Variants in TNKS observed in about 807,000 individuals in gnomAD.
TNKS encodes poly [ADP-ribose] polymerase tankyrase-1.
In TNKS, 72 loss-of-function variants were observed where a neutral mutation model predicts 135.8. The ratio of observed to expected loss-of-function variants is 0.53; its 90% CI spans 0.44 to 0.64. The LOEUF (loss-of-function observed/expected upper bound fraction) is 0.64. Ranked by LOEUF, TNKS falls within the 30% of genes least tolerant of loss-of-function variation. TNKS has a pLI of 0.00. For missense variants in TNKS, 1,769 were observed against 1,674.0 expected (o/e 1.06, Z -0.99); for synonymous variants, 849 against 649.3 (o/e 1.31, Z -4.68).
intron 25 of TNKS, among the ~76,000 whole-genome samples, chr8:9,769,688 C>T (rs1807697726): frequency 7.1e-6 from 1 of 140,864 alleles, no homozygotes; most frequent in African/African-American, 2.7e-5. Context: ...GGCGCGATCT[C>T]GGCTCACTGC....
intron 3 of TNKS, among the ~76,000 whole-genome samples, chr8:9,653,085 G>T (rs1801204367): frequency 6.6e-6 from 1 of 152,170 alleles, no homozygotes; most frequent in South Asian, 2.1e-4. Context: ...CCATGTTTAG[G>T]ATGAAAGTCA....
At chr8:9,588,316 C>A (rs1224603450) in intron 2 of TNKS, among the ~76,000 whole-genome samples, 2 of 151,984 alleles carry the variant, frequency 1.3e-5, no homozygotes, top group Non-Finnish European at 2.9e-5. Flanking sequence ...GCTCTGTCGC[C>A]CAGGCTGGAG....
Position 9,556,569 on chromosome 8 carries a change from G to T in TNKS, c.630G>T (p.Lys210Asn). 6.2e-7 allele frequency: 1 copy of T among 1,614,022 alleles called. No homozygotes were observed. The highest frequency in any genetic ancestry group is 8.5e-7 in the Non-Finnish European group (1 of 1,180,050). ...TGGACGCGGCAAACGTAAATGCAAA[G>T]GACATGGCCGGCCGGAAGTCTTCTC... Reference protein sequence around the residue: ...RLVDAANVNAKDMAGRKSSPL... With the variant: ...RLVDAANVNANDMAGRKSSPL... Residue 210 changes from lysine to asparagine, a missense_variant, in exon 1 of 27, where the codon AAG (lysine) becomes AAT (asparagine). Lys to Asn is a moderately conservative substitution (Grantham distance 94, BLOSUM62 0). Coordinates refer to ENST00000310430, the MANE Select transcript of TNKS (RefSeq NM_003747.3).
rs937015393 is a variant in TNKS, at chr8:9,575,169, C to T, written c.674-4990C>T. Reference sequence around the variant, plus strand: ...GGGCGCGATCTCGGCTCATTGCAAGCTCCGCCTCCCGGGTTCACGCCATTC... The same window carrying T: ...GGGCGCGATCTCGGCTCATTGCAAGTTCCGCCTCCCGGGTTCACGCCATTC... On this transcript the variant is annotated intron_variant, in intron 1 of 26. Transcript: ENST00000310430. The T allele has an allele frequency of 1.4e-5, 10 of 731,354 alleles. No homozygotes were observed. In the East Asian group the frequency reaches 1.3e-3, roughly 96 times the overall value. The allele number at this position is 731,354 out of a possible 1,614,324, so 45.3% of individuals were successfully genotyped here. A position where few individuals can be genotyped will look rare whatever the true frequency, so the allele number is the denominator to read the frequency against.
chr8:9,593,149 T>C (rs560050289), intron 2 of TNKS, among the ~76,000 whole-genome samples: 13 of 152,150 alleles, frequency 8.5e-5, no homozygotes, highest in Non-Finnish European at 1.9e-4. Flanking sequence ...GTGATGGTGG[T>C]AAATTTATAA....
At chr8:9,733,808 T>TTG (rs1177122664) in intron 15 of TNKS, among the ~76,000 whole-genome samples, 1 of 152,224 alleles carries the variant, frequency 6.6e-6, no homozygotes, top group Admixed American at 6.5e-5. Context: ...TATTTTATTA[T>TTG]TGTTAACTAA....
chr8:9,686,356 A>G (rs1163836787), intron 5 of TNKS, among the ~76,000 whole-genome samples: 1 of 152,076 alleles, frequency 6.6e-6, no homozygotes, highest in African/African-American at 2.4e-5. Flanking sequence ...ATTTAACCCC[A>G]TCTGAGTTCC....
Position 9,556,170 on chromosome 8 carries a change from G to T in TNKS, c.231G>T (p.Arg77Ser), listed in dbSNP as rs202025565. Residue 77 changes from arginine (R) to serine (S), a missense_variant, in exon 1 of 27, where the codon AGG (arginine) becomes AGT (serine). Transcript: ENST00000310430. ...EGDGSRDPPD[R>S]PRSPDPVDGT... The stretch of plus-strand genomic sequence containing the variant: ...ATGGCAGTCGGGATCCGCCCGACAG[G>T]CCCCGATCCCCGGACCCGGTTGACG... The T allele has an allele frequency of 1.9e-6, 3 of 1,611,906 alleles. No individual in the cohort carries two copies. The highest frequency in any genetic ancestry group is 2.2e-5 in the East Asian group (1 of 44,840).
intron 11 of TNKS, among the ~76,000 whole-genome samples, chr8:9,715,331 G>A (rs1214913613): frequency 6.7e-6 from 1 of 148,622 alleles, no homozygotes; most frequent in African/African-American, 2.5e-5. Context: ...TTCAAGGAAA[G>A]TAGCAAGGAA....
At chr8:9,771,617 G>A (rs1397290544) in intron 26 of TNKS, among the ~76,000 whole-genome samples, 1 of 121,358 alleles carries the variant, frequency 8.2e-6, no homozygotes, top group Non-Finnish European at 1.7e-5. Context: ...GAGGAAGAGA[G>A]GAAGGAAAGA....
intron 25 of TNKS, 87 bp downstream of exon 25, chr8:9,766,512 G>C: frequency 8.8e-5 from 101 of 1,152,308 alleles, no homozygotes; most frequent in African/African-American, 1.1e-4. Context: ...TTGAGATGAA[G>C]TCTTGCTCTT....
At chr8:9,735,524 C>A (rs557068520) in intron 17 of TNKS, 38 bp downstream of exon 17, 1 of 1,539,814 alleles carries the variant, frequency 6.5e-7, no homozygotes, top group South Asian at 1.1e-5. Flanking sequence ...AAACTGACCG[C>A]ACGCGGTGGC....
intron 1 of TNKS, among the ~76,000 whole-genome samples, chr8:9,561,863 C>G (rs769589928): frequency 1.1e-4 from 17 of 152,144 alleles, no homozygotes; most frequent in Non-Finnish European, 2.1e-4. Context: ...GTTGCCCAGG[C>G]TGTCGTATAA....
At chr8:9,579,382 A>G (rs978876238) in intron 1 of TNKS, among the ~76,000 whole-genome samples, 2 of 152,182 alleles carry the variant, frequency 1.3e-5, no homozygotes, top group African/African-American at 2.4e-5. Context: ...TCTCATACCC[A>G]TACATTCATC....
intron 13 of TNKS, among the ~76,000 whole-genome samples, chr8:9,729,706 C>T (rs1287951925): frequency 3.3e-5 from 5 of 151,530 alleles, no homozygotes; most frequent in African/African-American, 7.3e-5. Flanking sequence ...AATCTCCATC[C>T]CTGGTTTGTT....
chr8:9,733,336 T>A lies in TNKS; in HGVS notation c.2205T>A (p.Leu735=). 6.2e-7 allele frequency: 1 copy of A among 1,607,634 alleles called. No homozygotes were observed. The highest frequency in any genetic ancestry group is 8.5e-7 in the Non-Finnish European group (1 of 1,178,174). Residue 735 remains leucine (L), a synonymous_variant, in exon 15 of 27, where the codon CTT becomes CTA. Coordinates refer to ENST00000310430, the MANE Select transcript of TNKS (RefSeq NM_003747.3). ...CSYGHYEVAE[L]LVRHGASVNV... ...ATGGACACTATGAGGTGGCTGAGCT[T>A]TTAGTAAGGCATGGGGCTTCTGTCA...
intron 17 of TNKS, among the ~76,000 whole-genome samples, chr8:9,747,224 A>G (rs574302355): frequency 1.6e-4 from 24 of 151,810 alleles, no homozygotes; most frequent in Non-Finnish European, 3.1e-4. Context: ...TAATAGTTCT[A>G]CCTTATTTTC....
chr8:9,673,987 A>C (rs547292360), intron 3 of TNKS, among the ~76,000 whole-genome samples: 113 of 152,358 alleles, frequency 7.4e-4, no homozygotes, highest in African/African-American at 2.4e-3. Flanking sequence ...CCAAAAGTTT[A>C]GAATTGTTAA....
chr8:9,582,168 G>A (rs1423897275), intron 2 of TNKS, among the ~76,000 whole-genome samples: 1 of 152,150 alleles, frequency 6.6e-6, no homozygotes, highest in African/African-American at 2.4e-5. Flanking sequence ...CCTCTTAGGA[G>A]GTTTATTCTG....
Sources: gnomAD v4.1 joint callset for allele counts (sites outside exome capture counted in the v4.1 genomes callset) on GRCh38, gnomAD v4.1.1 for gene constraint, MANE v1.5 for transcripts, NCBI Gene and HGNC (gene_info 2026-07-23, HGNC 2026-07-21) for gene names.